Variants in EPHB1 observed in about 807,000 individuals in gnomAD.
EPHB1 encodes ephrin type-B receptor 1.
Under a neutral mutation model 94.4 loss-of-function variants are expected in EPHB1, and 30 were observed. The ratio of observed to expected loss-of-function variants is 0.32; its 90% CI spans 0.24 to 0.43. EPHB1 has a LOEUF of 0.43. EPHB1 is among the 20% of genes least tolerant of loss of function. The probability of loss-of-function intolerance (pLI) is 1.00; values close to 1 mark genes in which losing one functional copy is unlikely to be tolerated. For synonymous variants in EPHB1, 522 were observed against 489.1 expected, an observed-to-expected ratio of 1.07 and a Z score of -0.89; for missense variants, 1,055 against 1,308.3, an observed-to-expected ratio of 0.81 and a Z score of 2.99.
intron 12 of EPHB1, among the ~76,000 whole-genome samples, chr3:135,229,041 G>C (rs1248211134): frequency 1.3e-5 from 2 of 152,142 alleles, no homozygotes; most frequent in African/African-American, 4.8e-5. Context: ...CAGAATACTT[G>C]GTTTCATCCC....
At chr3:134,955,229 G>A (rs1160043010) in intron 3 of EPHB1, among the ~76,000 whole-genome samples, 1 of 50,040 alleles carries the variant, frequency 2.0e-5, no homozygotes, top group Non-Finnish European at 3.8e-5. Context: ...CTAGCATTAG[G>A]TATATCTCCC....
rs755457534 is a variant in EPHB1 at position 135,249,427 on chromosome 3, T to C, written c.2782T>C (p.Tyr928His). ...GCTCAGCGCCATCAAAATGGTCCAG[T>C]ACAGGGACAGCTTCCTCACTGCTGG... The part of the protein sequence containing the change: ...DWLSAIKMVQ[Y>H]RDSFLTAGFT... The change falls in exon 15 of 16, where the codon TAC becomes CAC. Residue 928 changes from tyrosine (Y) to histidine (H), a missense_variant. By Grantham distance (83) the Tyr-to-His change is moderately conservative. Coordinates refer to ENST00000398015, the MANE Select transcript of EPHB1 (RefSeq NM_004441.5). The C allele has an allele frequency of 2.5e-5, 40 of 1,613,936 alleles. No individual in the cohort carries two copies. The highest frequency in any genetic ancestry group is 2.3e-5 in the Non-Finnish European group (27 of 1,179,904).
intron 1 of EPHB1, among the ~76,000 whole-genome samples, chr3:134,806,781 ATATTACAGCCC>A (rs2036049752): frequency 6.6e-6 from 1 of 152,206 alleles, no homozygotes; most frequent in Non-Finnish European, 1.5e-5. Context: ...AAAACCAGAA[ATATTACAGCCC>A]TTGGGAGCAT....
At chr3:134,912,416 A>G (rs1335856279) in intron 1 of EPHB1, among the ~76,000 whole-genome samples, 1 of 152,226 alleles carries the variant, frequency 6.6e-6, no homozygotes, top group Non-Finnish European at 1.5e-5. Context: ...TAGGTGTAGC[A>G]CTGAGTAGCA....
At chr3:135,137,315 G>A (rs1940656678) in intron 5 of EPHB1, among the ~76,000 whole-genome samples, 1 of 152,174 alleles carries the variant, frequency 6.6e-6, no homozygotes, top group East Asian at 1.9e-4. Context: ...TGCATGCCCA[G>A]CACTGCCTGA....
intron 3 of EPHB1, among the ~76,000 whole-genome samples, chr3:135,035,715 G>C (rs1259583670): frequency 6.6e-6 from 1 of 152,164 alleles, no homozygotes; most frequent in African/African-American, 2.4e-5. Context: ...CTGGCCTTGA[G>C]GTACTACTCC....
At chr3:134,919,988 C>A (rs1208282907) in intron 1 of EPHB1, among the ~76,000 whole-genome samples, 1 of 152,028 alleles carries the variant, frequency 6.6e-6, no homozygotes, top group Admixed American at 6.6e-5. Context: ...TACCAGGCTC[C>A]ATACATCTGC....
chr3:135,183,047 TTTC>T (rs1559865375), intron 10 of EPHB1, among the ~76,000 whole-genome samples: 37 of 99,896 alleles, frequency 3.7e-4, no homozygotes, highest in South Asian at 1.7e-3. Flanking sequence ...TCTTTCTTTC[TTTC>T]TTTCTTTCTT....
At chr3:135,178,148 T>C (rs1280508969) in intron 9 of EPHB1, among the ~76,000 whole-genome samples, 1 of 151,104 alleles carries the variant, frequency 6.6e-6, no homozygotes, top group Non-Finnish European at 1.5e-5. Flanking sequence ...CTGGCCCTCC[T>C]TATCTTAAAA....
chr3:134,958,390 A>G (rs928467327), intron 3 of EPHB1, among the ~76,000 whole-genome samples: 1 of 150,920 alleles, frequency 6.6e-6, no homozygotes, highest in Admixed American at 6.6e-5. Context: ...AGCTGCTGAA[A>G]GAGAAGGTGA....
chr3:134,803,476 G>A (rs1013849811), intron 1 of EPHB1, among the ~76,000 whole-genome samples: 1 of 152,172 alleles, frequency 6.6e-6, no homozygotes, highest in Non-Finnish European at 1.5e-5. Flanking sequence ...TGTCTGCACA[G>A]TCTTGACATG....
chr3:135,221,385 TTTG>T (rs1005625972), intron 12 of EPHB1, among the ~76,000 whole-genome samples: 27 of 152,348 alleles, frequency 1.8e-4, no homozygotes, highest in African/African-American at 5.8e-4. Flanking sequence ...ATTATTCATT[TTTG>T]TTGTTGTTTA....
chr3:135,149,404 A>T (rs1941120361), intron 5 of EPHB1, among the ~76,000 whole-genome samples: 1 of 152,244 alleles, frequency 6.6e-6, no homozygotes, highest in Non-Finnish European at 1.5e-5. Flanking sequence ...ACCATTGTAT[A>T]TGGGGGCAAA....
chr3:134,908,054 C>T (rs1177954289), intron 1 of EPHB1, among the ~76,000 whole-genome samples: 1 of 152,240 alleles, frequency 6.6e-6, no homozygotes, highest in Non-Finnish European at 1.5e-5. Context: ...CTTCTTCCCT[C>T]ACTGATTCAG....
chr3:134,862,424 T>C (rs557349269), intron 1 of EPHB1, among the ~76,000 whole-genome samples: 1 of 151,692 alleles, frequency 6.6e-6, no homozygotes, highest in African/African-American at 2.4e-5. Flanking sequence ...TCTCTGAGGG[T>C]ACAACGCTGC....
At position 135,217,424 on chromosome 3, in the gene EPHB1, CCACACACACACACACACACACA is replaced by C. The variant is rs200312241; in HGVS notation, c.2346+15757_2346+15778del. On this transcript the variant is annotated intron_variant, in intron 12 of 15. Transcript: ENST00000398015. Reference sequence around the variant, plus strand: ...CTGCAATGAATAACTCCCATCAGTACCACACACACACACACACACACACACACACACACACACACACACGCAC... The same window carrying C: ...CTGCAATGAATAACTCCCATCAGTACCACACACACACACACACACACGCAC... Among the ~76,000 whole-genome samples, 552 of 143,494 alleles carry C rather than the reference CCACACACACACACACACACACA, an allele frequency of 3.8e-3. 6 individuals are homozygous for C. Among genetic ancestry groups the C allele is most frequent in the Non-Finnish European group, 3.0e-3 (198 of 66,060 alleles). 94.1% of individuals were successfully genotyped at this position (143,494 alleles called of 152,430 possible).
At chr3:134,852,280 AC>A (rs1401090617) in intron 1 of EPHB1, among the ~76,000 whole-genome samples, 24 of 150,312 alleles carry the variant, frequency 1.6e-4, no homozygotes, top group Admixed American at 1.3e-4. Context: ...TGCCACTCCC[AC>A]CCTGGCAAGC....
chr3:134,798,257 G>A (rs1190003170), intron 1 of EPHB1, among the ~76,000 whole-genome samples: 2 of 152,198 alleles, frequency 1.3e-5, no homozygotes, highest in African/African-American at 4.8e-5. Flanking sequence ...AGGGACAAAG[G>A]GACAGTGACA....
chr3:134,995,775 C>G (rs1559787343), intron 3 of EPHB1, among the ~76,000 whole-genome samples: 1 of 152,116 alleles, frequency 6.6e-6, no homozygotes, highest in Non-Finnish European at 1.5e-5. Context: ...TCATGTGACC[C>G]AGCAATTGAA....
Sources: gnomAD v4.1 joint callset for allele counts (sites outside exome capture counted in the v4.1 genomes callset) on GRCh38, gnomAD v4.1.1 for gene constraint, MANE v1.5 for transcripts, NCBI Gene and HGNC (gene_info 2026-07-23, HGNC 2026-07-21) for gene names.